PRDM5: variants seen among roughly 807,000 people sequenced by gnomAD.
PRDM5 encodes the protein PR domain zinc finger protein 5.
PRDM5 carries 56 observed loss-of-function variants against 81.2 expected under a neutral mutation model. The ratio of observed to expected loss-of-function variants is 0.69; its 90% CI spans 0.56 to 0.86. The LOEUF is 0.86. Ranked by LOEUF, PRDM5 falls within the 40% of genes least tolerant of loss-of-function variation. PRDM5 has a pLI of 0.00. For missense variants in PRDM5, 697 were observed against 770.1 expected, an observed-to-expected ratio of 0.91 and a Z score of 1.12; for synonymous variants, 267 against 256.4, an observed-to-expected ratio of 1.04 and a Z score of -0.39.
intron 1 of PRDM5, among the ~76,000 whole-genome samples, chr4:120,920,796 TTTTA>T (rs1458143787): frequency 1.3e-5 from 2 of 152,226 alleles, no homozygotes; most frequent in Non-Finnish European, 2.9e-5. Context: ...TCTGTATGTG[TTTTA>T]TTTATTAAAG....
chr4:120,788,595 C>T (rs920091136), intron 10 of PRDM5, among the ~76,000 whole-genome samples: 12 of 152,202 alleles, frequency 7.9e-5, no homozygotes, highest in Non-Finnish European at 1.8e-4. Context: ...ATACTATATT[C>T]CTCCCTAATT....
Position 120,686,895 on chromosome 4 carries a change from G to C in PRDM5, n.104-1870C>G, listed in dbSNP as rs540464525. Among the ~76,000 whole-genome samples, 4 of 151,984 alleles carry C rather than the reference G, an allele frequency of 2.6e-5. No homozygotes were observed. In the East Asian group the frequency reaches 7.7e-4, roughly 29 times the overall value. On this transcript the variant is annotated intron_variant and non_coding_transcript_variant, in intron 1 of 1. Coordinates refer to the PRDM5 transcript ENST00000513741. Reference sequence around the variant, plus strand: ...CAAATCACTCCTTCAAAGGAGTACTGAAAGAAGGTCACATCTTTATCCATT... The same window carrying C: ...CAAATCACTCCTTCAAAGGAGTACTCAAAGAAGGTCACATCTTTATCCATT...
chr4:120,855,090 C>A (rs2148475841), intron 2 of PRDM5, among the ~76,000 whole-genome samples: 1 of 152,002 alleles, frequency 6.6e-6, no homozygotes, highest in Non-Finnish European at 1.5e-5. Flanking sequence ...TTATTTTTAC[C>A]CAAAAAACAT....
At chr4:120,875,022 G>C (rs1006393996) in intron 2 of PRDM5, among the ~76,000 whole-genome samples, 1 of 152,126 alleles carries the variant, frequency 6.6e-6, no homozygotes, top group Non-Finnish European at 1.5e-5. Context: ...ACTGAGCTGA[G>C]AACAAGCTCA....
chr4:120,909,004 G>T (rs2148685355), intron 1 of PRDM5, among the ~76,000 whole-genome samples: 1 of 152,272 alleles, frequency 6.6e-6, no homozygotes, highest in South Asian at 2.1e-4. Flanking sequence ...GGTAGGAAAA[G>T]CTCCACAAGA....
intron 13 of PRDM5, chr4:120,762,475 C>T (rs1426537791): frequency 6.6e-6 from 1 of 152,104 alleles, no homozygotes; most frequent in Non-Finnish European, 1.5e-5. Flanking sequence ...TATCAGGGGA[C>T]TGGCTTATTT....
At chr4:120,863,814 T>G (rs1760905519) in intron 2 of PRDM5, among the ~76,000 whole-genome samples, 1 of 152,106 alleles carries the variant, frequency 6.6e-6, no homozygotes, top group African/African-American at 2.4e-5. Flanking sequence ...ATTATAACAA[T>G]GAAAGAATGG....
intron 10 of PRDM5, among the ~76,000 whole-genome samples, chr4:120,787,516 A>T (rs188043316): frequency 1.2e-3 from 176 of 152,346 alleles, no homozygotes; most frequent in Non-Finnish European, 2.0e-3. Flanking sequence ...AAAGTGGAGA[A>T]GCAACAGCAA....
At chr4:120,722,801 T>A (rs1291485427) in intron 14 of PRDM5, among the ~76,000 whole-genome samples, 1 of 152,132 alleles carries the variant, frequency 6.6e-6, no homozygotes, top group East Asian at 1.9e-4. Context: ...AAAAGGCCTC[T>A]TCTGCCTGTT....
chr4:120,712,638 T>C (rs1322859071), intron 14 of PRDM5, among the ~76,000 whole-genome samples: 2 of 152,208 alleles, frequency 1.3e-5, no homozygotes, highest in African/African-American at 4.8e-5. Flanking sequence ...TAGAGTATTA[T>C]TTTGCCATTT....
At chr4:120,849,121 A>C (rs1277358548) in intron 3 of PRDM5, among the ~76,000 whole-genome samples, 1 of 152,156 alleles carries the variant, frequency 6.6e-6, no homozygotes, top group Non-Finnish European at 1.5e-5. Context: ...TTGGTTGCTT[A>C]GTTGGTACTG....
chr4:120,774,621 C>T (rs759003639), intron 13 of PRDM5, among the ~76,000 whole-genome samples: 10 of 152,114 alleles, frequency 6.6e-5, no homozygotes, highest in Non-Finnish European at 1.0e-4. Context: ...GTGCCAGGGC[C>T]GTTATGGAGG....
chr4:120,772,451 C>T (rs1479795136), intron 13 of PRDM5, among the ~76,000 whole-genome samples: 2 of 152,188 alleles, frequency 1.3e-5, no homozygotes, highest in African/African-American at 2.4e-5. Flanking sequence ...AGAGTCAAAG[C>T]TGGCAGACCT....
intron 2 of PRDM5, among the ~76,000 whole-genome samples, chr4:120,871,452 G>A (rs986812447): frequency 4.6e-5 from 7 of 152,088 alleles, no homozygotes; most frequent in Non-Finnish European, 7.4e-5. Context: ...TCCTGATATG[G>A]TCTGACCAGT....
intron 2 of PRDM5, among the ~76,000 whole-genome samples, chr4:120,904,963 G>A (rs1765633852): frequency 6.6e-6 from 1 of 152,038 alleles, no homozygotes; most frequent in Non-Finnish European, 1.5e-5. Context: ...ATCATTTTAT[G>A]ACTTACTAAG....
intron 13 of PRDM5, among the ~76,000 whole-genome samples, chr4:120,774,888 C>CTG (rs1747851432): frequency 1.5e-5 from 2 of 129,384 alleles, no homozygotes; most frequent in Admixed American, 1.6e-4. Flanking sequence ...CTCTCTCTTT[C>CTG]TATATATATA....
In PRDM5 at chr4:120,710,524, A is replaced by T. The variant is rs577125679; in HGVS notation, c.1624-111T>A. The T allele has an allele frequency of 6.3e-5, 54 of 853,334 alleles. 1 individual carries two copies. The East Asian group carries it at 1.3e-3, about 21-fold the overall frequency. The allele number at this position is 853,334 out of a possible 1,614,324, so 52.9% of individuals were successfully genotyped here. ...CCACAGAATACTGCAGCAAATTTAC[A>T]GGTATGCTGATATGGTTTGGCTGTG... On this transcript the variant is annotated intron_variant, in intron 14 of 15. Coordinates refer to ENST00000264808, the MANE Select transcript of PRDM5 (RefSeq NM_018699.4).
chr4:120,826,043 T>C (rs1320110344), intron 3 of PRDM5, among the ~76,000 whole-genome samples: 4 of 152,108 alleles, frequency 2.6e-5, no homozygotes, highest in African/African-American at 9.7e-5. Context: ...ACAACAATAT[T>C]GACTGGGTCT....
chr4:120,686,652 T>C (rs1379735540), intron 1 of PRDM5, among the ~76,000 whole-genome samples: 1 of 152,044 alleles, frequency 6.6e-6, no homozygotes, highest in East Asian at 1.9e-4. Context: ...GGTGTTTAAA[T>C]AAGCTTTTAA....
Sources: gnomAD v4.1 joint callset for allele counts (sites outside exome capture counted in the v4.1 genomes callset) on GRCh38, gnomAD v4.1.1 for gene constraint, MANE v1.5 for transcripts, NCBI Gene and HGNC (gene_info 2026-07-23, HGNC 2026-07-21) for gene names.